Variants in SORCS1 observed in about 807,000 individuals in gnomAD.
SORCS1 encodes the protein VPS10 domain-containing receptor SorCS1.
A neutral mutation model predicts 146.1 loss-of-function variants in SORCS1; 60 were observed. That is an observed-to-expected ratio of 0.41 (90% CI 0.33 to 0.51). The LOEUF (loss-of-function observed/expected upper bound fraction) is 0.51. Ranked by LOEUF, SORCS1 falls within the 20% of genes least tolerant of loss-of-function variation. The pLI, the probability that SORCS1 is intolerant of heterozygous loss-of-function variation, is 0.21. For missense variants in SORCS1, 1,352 were observed against 1,487.6 expected, an observed-to-expected ratio of 0.91 and a Z score of 1.50; for synonymous variants, 637 against 584.0, an observed-to-expected ratio of 1.09 and a Z score of -1.31.
chr10:106,650,933 T>G (rs1849814411), intron 18 of SORCS1, among the ~76,000 whole-genome samples: 1 of 152,076 alleles, frequency 6.6e-6, no homozygotes, highest in Non-Finnish European at 1.5e-5. Flanking sequence ...ATATATTTGG[T>G]TTACTGCAGG....
chr10:106,890,954 A>C (rs1189598323), intron 2 of SORCS1, among the ~76,000 whole-genome samples: 3 of 152,176 alleles, frequency 2.0e-5, no homozygotes, highest in Non-Finnish European at 4.4e-5. Context: ...TCCAGCAAAA[A>C]GAGCAGCAAA....
intron 4 of SORCS1, among the ~76,000 whole-genome samples, chr10:106,762,386 C>CTTTTTTTTTTTTTTTTTT (rs869195563): frequency 6.8e-5 from 5 of 73,826 alleles, no homozygotes; most frequent in East Asian, 4.9e-4. Context: ...TTTTATTATT[C>CTTTTTTTTTTTTTTTTTT]TTTTTTTTTT....
In SORCS1 at chr10:106,989,670, GTTTTTTTTTGT is replaced by G. The variant is rs1406156001; in HGVS notation, c.559-33101_559-33091del. ...CTCTTTATATACTCATATTTTTTCTGTTTTTTTTTGTTTTTTTTTTTTTTTTTTTTTTCTGA... is the reference window on the plus strand; with the variant it reads ...CTCTTTATATACTCATATTTTTTCTGTTTTTTTTTTTTTTTTTTTTTCTGA... On this transcript the variant is annotated intron_variant, in intron 1 of 25. Coordinates refer to ENST00000263054, the MANE Select transcript of SORCS1 (RefSeq NM_052918.5). Among the ~76,000 whole-genome samples, 285 of 116,416 alleles carry G rather than the reference GTTTTTTTTTGT, an allele frequency of 2.4e-3. 9 individuals carry two copies. The highest frequency in any genetic ancestry group is 5.7e-3 in the South Asian group (23 of 4,044). 76.4% of individuals were successfully genotyped at this position (116,416 alleles called of 152,430 possible).
chr10:106,735,947 C>T (rs970842610), intron 5 of SORCS1, among the ~76,000 whole-genome samples: 2 of 152,158 alleles, frequency 1.3e-5, no homozygotes, highest in East Asian at 3.9e-4. Context: ...CCATTGCAGC[C>T]TCCTACATCT....
intron 21 of SORCS1, among the ~76,000 whole-genome samples, chr10:106,617,631 T>C (rs1437716107): frequency 6.6e-6 from 1 of 152,226 alleles, no homozygotes; most frequent in African/African-American, 2.4e-5. Context: ...TTTGTTCAAA[T>C]ATCCCGTCTA....
chr10:107,103,132 T>G (rs1965057420), intron 1 of SORCS1, among the ~76,000 whole-genome samples: 1 of 152,238 alleles, frequency 6.6e-6, no homozygotes. Flanking sequence ...AATTTTTGAA[T>G]TATTACTCTT....
At chr10:107,149,349 A>T (rs974592163) in intron 1 of SORCS1, among the ~76,000 whole-genome samples, 1 of 152,134 alleles carries the variant, frequency 6.6e-6, no homozygotes, top group African/African-American at 2.4e-5. Flanking sequence ...CTGGAGTGGA[A>T]TATTCTATTG....
intron 6 of SORCS1, among the ~76,000 whole-genome samples, chr10:106,722,120 T>TACACACACACAC (rs140882766): frequency 0.044 from 6,364 of 144,270 alleles, 293 homozygotes; most frequent in African/African-American, 0.11. Context: ...AATATATAAA[T>TACACACACACAC]ACACACACAC....
Position 107,055,429 on chromosome 10 carries a change from C to T in SORCS1, c.559-98849G>A, listed in dbSNP as rs558259855. The stretch of plus-strand genomic sequence containing the variant: ...AGTTTTCCTAGGTTACTTGCAATGA[C>T]GATGACTTTGGTACATTTTTATTAC... On this transcript the variant is annotated intron_variant, in intron 1 of 25. Coordinates refer to ENST00000263054, the MANE Select transcript of SORCS1 (RefSeq NM_052918.5). Among the ~76,000 whole-genome samples the T allele has an allele frequency of 6.1e-4, 93 of 152,260 alleles. 1 individual carries two copies. The highest frequency in any genetic ancestry group is 2.2e-3 in the African/African-American group (90 of 41,550).
At chr10:106,624,118 G>A (rs1260334636) in intron 19 of SORCS1, among the ~76,000 whole-genome samples, 1 of 152,102 alleles carries the variant, frequency 6.6e-6, no homozygotes, top group East Asian at 1.9e-4. Flanking sequence ...GTCGGTGACA[G>A]AGTGCTATTT....
chr10:106,660,058 T>A (rs1850607408), intron 17 of SORCS1, among the ~76,000 whole-genome samples: 1 of 152,118 alleles, frequency 6.6e-6, no homozygotes. Context: ...GCACCATTTT[T>A]AGGGCCAATT....
At chr10:106,784,127 G>A (rs569840181) in intron 3 of SORCS1, among the ~76,000 whole-genome samples, 22 of 152,278 alleles carry the variant, frequency 1.4e-4, no homozygotes, top group Admixed American at 1.3e-3. Flanking sequence ...CGGGTGCAGT[G>A]GCTCACGCCT....
chr10:107,105,897 G>A (rs1331409009), intron 1 of SORCS1, among the ~76,000 whole-genome samples: 1 of 152,178 alleles, frequency 6.6e-6, no homozygotes, highest in Non-Finnish European at 1.5e-5. Context: ...TGGTAGGTCT[G>A]AGAATGTAGT....
At chr10:107,149,387 C>A (rs1422285347) in intron 1 of SORCS1, among the ~76,000 whole-genome samples, 1 of 151,800 alleles carries the variant, frequency 6.6e-6, no homozygotes, top group South Asian at 2.1e-4. Flanking sequence ...AAAAAAAAAT[C>A]GCGCTTTAAT....
At chr10:106,944,162 T>A (rs572244157) in intron 2 of SORCS1, among the ~76,000 whole-genome samples, 1 of 152,234 alleles carries the variant, frequency 6.6e-6, no homozygotes, top group Non-Finnish European at 1.5e-5. Context: ...GGTGAATCCA[T>A]AACATGACAC....
At chr10:107,003,086 C>T in intron 1 of SORCS1, among the ~76,000 whole-genome samples, 1 of 152,038 alleles carries the variant, frequency 6.6e-6, no homozygotes, top group East Asian at 1.9e-4. Flanking sequence ...TGAAACCTGT[C>T]TCTACTAAAA....
At chr10:106,703,320 C>T (rs1285381594) in intron 8 of SORCS1, among the ~76,000 whole-genome samples, 3 of 152,078 alleles carry the variant, frequency 2.0e-5, no homozygotes, top group East Asian at 3.9e-4. Flanking sequence ...TGGTCCACAT[C>T]GATCTTCCAC....
At chr10:107,033,171 G>C (rs1193960540) in intron 1 of SORCS1, among the ~76,000 whole-genome samples, 1 of 152,130 alleles carries the variant, frequency 6.6e-6, no homozygotes, top group African/African-American at 2.4e-5. Flanking sequence ...ACAGCCAGCA[G>C]GAAAGAGAAT....
At chr10:107,176,206 ATCCT>A in the SORCS1 span, among the ~76,000 whole-genome samples, 547 of 150,994 alleles carry the variant, frequency 3.6e-3, 3 homozygotes, top group African/African-American at 0.012. Context: ...ATTATATGTA[ATCCT>A]TCCTTCCTTC....
Sources: gnomAD v4.1 joint callset for allele counts (sites outside exome capture counted in the v4.1 genomes callset) on GRCh38, gnomAD v4.1.1 for gene constraint, MANE v1.5 for transcripts, NCBI Gene and HGNC (gene_info 2026-07-23, HGNC 2026-07-21) for gene names.